KCNG1: variants seen among roughly 807,000 people sequenced by gnomAD.
The protein encoded by KCNG1 is voltage-gated potassium channel regulatory subunit KCNG1.
In KCNG1, 17 loss-of-function variants were observed where a neutral mutation model predicts 32.4. That is an observed-to-expected ratio of 0.52 (90% CI 0.36 to 0.79). The LOEUF (loss-of-function observed/expected upper bound fraction) is 0.79, where lower values mean the gene tolerates loss of function less well. KCNG1 is among the 30% of genes least tolerant of loss of function. KCNG1 has a pLI of 0.00. For synonymous variants in KCNG1, 358 were observed against 339.9 expected (o/e 1.05, Z -0.59); for missense variants, 441 against 735.2 (o/e 0.60, Z 4.63).
At chr20:51,009,363 GA>G in intron 2 of KCNG1, 2 of 667,172 alleles carry the variant, frequency 3.0e-6, no homozygotes, top group Non-Finnish European at 5.0e-6. Context: ...TGGAGGCCAG[GA>G]CAGGCACAGG....
Position 51,004,169 on chromosome 20 carries a change from T to A in KCNG1, c.1412A>T (p.Lys471Met). 1 of 1,614,176 alleles carries A rather than the reference T, an allele frequency of 6.2e-7. No homozygotes were observed. The highest frequency in any genetic ancestry group is 1.1e-5 in the South Asian group (1 of 91,078). ...GAACATCACCCTCTCTTGCTCCTGC[T>A]TGAGCTCCAGGTAGGAGCGGGAGAA... Reference protein sequence around the residue: ...HTFSRSYLELKQEQERVMFRR... With the variant: ...HTFSRSYLELMQEQERVMFRR... The change falls in exon 3 of 3, where the codon AAG becomes ATG. Residue 471 changes from lysine to methionine, a missense_variant. Lys to Met is a moderately conservative substitution (Grantham distance 95). Around this residue, in one of 6 missense-constraint regions of KCNG1, gnomAD observed 53 missense variants for 79.1 expected, o/e 0.67. Transcript: ENST00000371571. The surrounding 1 kb of genome is among the most constrained non-coding windows in gnomAD (Gnocchi z 4.3).
At chr20:51,007,659 C>A (rs1242175242) in intron 2 of KCNG1, among the ~76,000 whole-genome samples, 1 of 151,728 alleles carries the variant, frequency 6.6e-6, no homozygotes, top group Middle Eastern at 3.2e-3. Context: ...ATGTTAAATT[C>A]GAGAGTGCAT....
intron 1 of KCNG1, among the ~76,000 whole-genome samples, chr20:51,021,043 G>A (rs951224272): frequency 2.0e-5 from 3 of 152,184 alleles, no homozygotes; most frequent in African/African-American, 4.8e-5. Context: ...CCAGAGTTTG[G>A]CAAAACTAGG....
chr20:51,009,875 C>T lies in KCNG1; in HGVS notation c.464G>A (p.Gly155Asp). The T allele has an allele frequency of 6.2e-7, 1 of 1,613,552 alleles. No individual in the cohort carries two copies. Among genetic ancestry groups the T allele is most frequent in the Non-Finnish European group, 8.5e-7 (1 of 1,179,960 alleles). Residue 155 changes from glycine to aspartate, a missense_variant, in exon 2 of 3, where the codon GGC becomes GAC. Coordinates refer to ENST00000371571, the MANE Select transcript of KCNG1 (RefSeq NM_002237.4). ...GCCGTCCAGGTGGTCCTCCGCGATG[C>T]CCCAGTACAGCAGCTCCTCCTGGAA... ...LSFQEELLYW[G>D]IAEDHLDGCC...
At chr20:51,017,350 C>T (rs1010464) in intron 1 of KCNG1, among the ~76,000 whole-genome samples, 1,997 of 152,296 alleles carry the variant, frequency 0.013, 21 homozygotes, top group Non-Finnish European at 0.021. Flanking sequence ...TAAATGAACA[C>T]ACACACATTA....
intron 1 of KCNG1, among the ~76,000 whole-genome samples, chr20:51,021,586 T>A (rs780085361): frequency 6.6e-6 from 1 of 152,118 alleles, no homozygotes; most frequent in African/African-American, 2.4e-5. Context: ...CACCCCACAA[T>A]GAATCAGACC....
At chr20:51,019,250 G>A (rs941626580) in intron 1 of KCNG1, among the ~76,000 whole-genome samples, 3 of 152,204 alleles carry the variant, frequency 2.0e-5, no homozygotes, top group Non-Finnish European at 4.4e-5. Flanking sequence ...AGGGGCTTAC[G>A]CCTGGAATCC....
chr20:51,020,791 T>C (rs1428896657), intron 1 of KCNG1, among the ~76,000 whole-genome samples: 1 of 152,154 alleles, frequency 6.6e-6, no homozygotes, highest in Non-Finnish European at 1.5e-5. Flanking sequence ...TCCTCGGAGC[T>C]GGTTTGCGTC....
At chr20:51,006,553 CT>C (rs968633559) in intron 2 of KCNG1, 4 of 151,574 alleles carry the variant, frequency 2.6e-5, no homozygotes, top group Non-Finnish European at 2.9e-5. Context: ...CCAATCACTT[CT>C]TTTTTTTTGC....
chr20:51,010,620 C>A (rs1252437884), intron 1 of KCNG1, among the ~76,000 whole-genome samples: 2 of 152,166 alleles, frequency 1.3e-5, no homozygotes, highest in South Asian at 4.1e-4. Context: ...ACAGGCCGGG[C>A]GCGGTGGCTC....
At chr20:51,018,091 T>A (rs1425009774) in intron 1 of KCNG1, among the ~76,000 whole-genome samples, 1 of 152,200 alleles carries the variant, frequency 6.6e-6, no homozygotes, top group Non-Finnish European at 1.5e-5. Context: ...AGTTCTCACG[T>A]GACCACCCTG....
At chr20:51,008,150 G>A (rs570188940) in intron 2 of KCNG1, 11 of 152,224 alleles carry the variant, frequency 7.2e-5, no homozygotes, top group African/African-American at 2.2e-4. Flanking sequence ...GAAGCTTCCA[G>A]AATCCCCATA....
At chr20:51,013,493 C>T (rs1988170376) in intron 1 of KCNG1, among the ~76,000 whole-genome samples, 1 of 151,894 alleles carries the variant, frequency 6.6e-6, no homozygotes, top group Non-Finnish European at 1.5e-5. Context: ...AACACATGTA[C>T]CTATGAATGA....
Position 51,005,795 on chromosome 20 carries a change from G to A in KCNG1, c.775-989C>T, listed in dbSNP as rs1401538097. On this transcript the variant is annotated intron_variant, in intron 2 of 2. Coordinates refer to ENST00000371571, the MANE Select transcript of KCNG1 (RefSeq NM_002237.4). The surrounding 1 kb of genome is among the most constrained non-coding windows in gnomAD (Gnocchi z 4.0). ...TTTGGCAGAGAGGAGAGGCCAGTGT[G>A]GTTCCAGCCTGGGGCATCTTGGAGG... is the stretch of plus-strand genomic sequence containing the variant. The A allele has an allele frequency of 2.0e-5, 3 of 152,254 alleles. No individual in the cohort carries two copies. Among genetic ancestry groups the A allele is most frequent in the Non-Finnish European group, 2.9e-5 (2 of 68,096 alleles). The allele number at this position is 152,254 out of a possible 1,614,324, so 9.4% of individuals were successfully genotyped here.
At chr20:51,011,922 G>A (rs562977180) in intron 1 of KCNG1, among the ~76,000 whole-genome samples, 2 of 152,128 alleles carry the variant, frequency 1.3e-5, no homozygotes, top group Admixed American at 1.3e-4. Flanking sequence ...TCAGCCTCCC[G>A]AATAGCTGGG....
chr20:51,016,665 C>T (rs932658910), intron 1 of KCNG1, among the ~76,000 whole-genome samples: 6 of 152,214 alleles, frequency 3.9e-5, no homozygotes, highest in East Asian at 3.8e-4. Context: ...ACAGCTCCTG[C>T]GTCCTTGAGT....
chr20:51,010,325 G>T lies in KCNG1; in HGVS notation c.14C>A (p.Pro5Gln). The T allele has an allele frequency of 5.3e-6, 8 of 1,504,062 alleles. No individual in the cohort carries two copies. Among genetic ancestry groups the T allele is most frequent in the Non-Finnish European group, 7.0e-6 (8 of 1,135,580 alleles). 93.2% of individuals were successfully genotyped at this position (1,504,062 alleles called of 1,614,324 possible). The change falls in exon 2 of 3, where the codon CCG becomes CAG. Residue 5 changes from proline to glutamine, a missense_variant. Transcript: ENST00000371571. Reference sequence around the variant, plus strand: ...GTAGTCGTAGTCAGAATTGTCTCCCGGTAAGAGGGTCATTTTGGGCCTTCA... The same window carrying T: ...GTAGTCGTAGTCAGAATTGTCTCCCTGTAAGAGGGTCATTTTGGGCCTTCA... MTLL[P>Q]GDNSDYDYSA...
Position 51,004,725 on chromosome 20 carries a change from G to T in KCNG1, c.856C>A (p.Arg286=), listed in dbSNP as rs749920870. The change falls in exon 3 of 3, where the codon CGG becomes AGG. Residue 286 remains arginine (R), a synonymous_variant. Transcript: ENST00000371571. The surrounding 1 kb of genome is among the most constrained non-coding windows in gnomAD (Gnocchi z 4.3). ...AACTTGCTGGGCGCCTGAATGAGCC[G>T]CAGGAGGAACTCCAGGGAGAACCAG... is the stretch of plus-strand genomic sequence containing the variant. The part of the protein sequence containing the change: ...VGWFSLEFLL[R]LIQAPSKFAF... The T allele has an allele frequency of 6.3e-6, 10 of 1,594,838 alleles. No homozygotes were observed. In the South Asian group the frequency reaches 8.0e-5, roughly 13 times the overall value.
In KCNG1 at chr20:51,010,273, G is replaced by A. The variant is rs760751986; in HGVS notation, c.66C>T (p.Ala22=). The change falls in exon 2 of 3, where the codon GCC becomes GCT. Residue 22 remains alanine, a synonymous_variant. Coordinates refer to ENST00000371571, the MANE Select transcript of KCNG1 (RefSeq NM_002237.4). ...GCGGGAGGAAGGCCGGGTGGAAGGA[G>A]GCGTCCGAGGTGCAGCTCAGCGCGC... is the stretch of plus-strand genomic sequence containing the variant. The part of the protein sequence containing the change: ...DYSALSCTSD[A]SFHPAFLPQR... 6.5e-7 allele frequency: 1 copy of A among 1,527,686 alleles called. No homozygotes were observed. The highest frequency in any genetic ancestry group is 8.7e-7 in the Non-Finnish European group (1 of 1,147,102). 94.6% of individuals were successfully genotyped at this position (1,527,686 alleles called of 1,614,324 possible).
Sources: allele counts gnomAD v4.1 joint callset (sites outside exome capture counted in the v4.1 genomes callset), GRCh38; gene constraint gnomAD v4.1.1; regional missense constraint gnomAD v4.1.1; non-coding constraint Gnocchi (gnomAD v3.1); transcripts MANE v1.5; gene names NCBI Gene and HGNC (gene_info 2026-07-23, HGNC 2026-07-21).